Variants in DSTN observed in about 807,000 individuals in gnomAD.
The protein encoded by DSTN is destrin.
DSTN carries 10 observed loss-of-function variants against 16.8 expected under a neutral mutation model. That is an observed-to-expected ratio of 0.60 (90% confidence interval 0.37 to 1.01). DSTN has a LOEUF of 1.01. Ranked by LOEUF, DSTN falls within the 50% of genes least tolerant of loss-of-function variation. The pLI is 0.01. For missense variants in DSTN, 141 were observed against 196.7 expected (o/e 0.72, Z 1.69); for synonymous variants, 57 against 58.9 (o/e 0.97, Z 0.14).
chr20:17,587,176 T>A, intron 1 of DSTN, among the ~76,000 whole-genome samples: 2 of 147,060 alleles, frequency 1.4e-5, no homozygotes, highest in Non-Finnish European at 1.5e-5. Context: ...TCTTCCCCAA[T>A]AACTAGGCTT....
rs199515803 is a variant in DSTN, at chr20:17,570,216, G to A, written c.3+5G>A. 3 of 1,512,978 alleles carry A rather than the reference G, an allele frequency of 2.0e-6. No individual in the cohort carries two copies. Among genetic ancestry groups the A allele is most frequent in the East Asian group, 5.3e-5 (2 of 37,538 alleles). The allele number at this position is 1,512,978 out of a possible 1,614,324, so 93.7% of individuals were successfully genotyped here. A position where few individuals can be genotyped will look rare whatever the true frequency, so the allele number is the denominator to read the frequency against. The stretch of plus-strand genomic sequence containing the variant: ...GCGACCGCCGCGGCGAAGATGGTGA[G>A]TAGGAGGGAGGCCGAGGCGTGGGCC... On this transcript the variant is annotated splice_donor_5th_base_variant and intron_variant, in intron 1 of 3. Transcript: ENST00000246069.
At position 17,604,611 on chromosome 20, in the gene DSTN, C is replaced by G. The variant is rs192125476; in HGVS notation, c.368C>G (p.Ala123Gly). Residue 123 changes from alanine to glycine, a missense_variant, in exon 3 of 4, where the codon GCA becomes GGA. By Grantham distance (60) the Ala-to-Gly change is moderately conservative. Coordinates refer to ENST00000246069, the MANE Select transcript of DSTN (RefSeq NM_006870.4). ...SKMIYASSKD[A>G]IKKKFQGIKH... is the part of the protein sequence containing the mutation. ...ATGATCTATGCAAGCTCCAAGGATGCAATTAAAAAGAAATTTCAAGGTATG... is the reference window on the plus strand; with the variant it reads ...ATGATCTATGCAAGCTCCAAGGATGGAATTAAAAAGAAATTTCAAGGTATG... 1.9e-6 allele frequency: 3 copies of G among 1,613,064 alleles called. No individual in the cohort carries two copies. The highest frequency in any genetic ancestry group is 2.2e-5 in the East Asian group (1 of 44,848).
chr20:17,581,122 C>A (rs75731428), intron 1 of DSTN, among the ~76,000 whole-genome samples: 3,565 of 152,040 alleles, frequency 0.023, 112 homozygotes, highest in African/African-American at 0.068. Flanking sequence ...TGTAGTGGAG[C>A]GAGATATGAT....
chr20:17,589,218 A>C (rs1320392382), intron 1 of DSTN, among the ~76,000 whole-genome samples: 1 of 145,542 alleles, frequency 6.9e-6, no homozygotes, highest in Non-Finnish European at 1.5e-5. Flanking sequence ...CCCTCCCCCT[A>C]CTTTTTTTTT....
chr20:17,607,202 ATAAATAAAGCAAATATAT>A lies in DSTN; in HGVS notation c.*58_*75del, dbSNP rs2035652087. On this transcript the variant is annotated 3_prime_UTR_variant, in exon 4 of 4. Coordinates refer to ENST00000246069, the MANE Select transcript of DSTN (RefSeq NM_006870.4). ...ATGTTTAATGTTATCCTCTTGCTAT[ATAAATAAAGCAAATATAT>A]TTAGGCCAGGGTCTCACTGAGGGGG... 3 of 1,535,658 alleles carry A rather than the reference ATAAATAAAGCAAATATAT, an allele frequency of 2.0e-6. No individual in the cohort carries two copies. Among genetic ancestry groups the A allele is most frequent in the Non-Finnish European group, 2.7e-6 (3 of 1,121,104 alleles).
chr20:17,575,581 C>G (rs75098066), intron 1 of DSTN, among the ~76,000 whole-genome samples: 4,607 of 152,108 alleles, frequency 0.03, 206 homozygotes, highest in African/African-American at 0.1. Flanking sequence ...TCTACCTCAG[C>G]CTCCTGAGTA....
chr20:17,582,710 G>A (rs1039524213), intron 1 of DSTN, among the ~76,000 whole-genome samples: 5 of 152,126 alleles, frequency 3.3e-5, no homozygotes, highest in Non-Finnish European at 7.3e-5. Context: ...ACTTAAAATG[G>A]ATCATAAATC....
chr20:17,570,094 C>G lies in DSTN; in HGVS notation c.-115C>G. ...GCGCCCGCCCCGGGGTAAGCTCGCG[C>G]CGCCGCGTCAGCTCAGCGCTGGGTC... On this transcript the variant is annotated 5_prime_UTR_variant, in exon 1 of 4. Transcript: ENST00000246069. 6.9e-7 allele frequency: 1 copy of G among 1,456,194 alleles called. No homozygotes were observed. The highest frequency in any genetic ancestry group is 2.9e-5 in the East Asian group (1 of 34,022). 90.2% of individuals were successfully genotyped at this position (1,456,194 alleles called of 1,614,324 possible).
intron 1 of DSTN, among the ~76,000 whole-genome samples, chr20:17,587,252 C>A (rs1408425884): frequency 2.0e-5 from 3 of 149,966 alleles, no homozygotes; most frequent in African/African-American, 7.4e-5. Context: ...GAATTAAGGT[C>A]TTTGCTTAAA....
chr20:17,601,374 A>C (rs1053625850), intron 2 of DSTN, among the ~76,000 whole-genome samples: 8 of 150,826 alleles, frequency 5.3e-5, no homozygotes, highest in African/African-American at 2.0e-4. Flanking sequence ...CCAAAACCCT[A>C]CTTTTCCAAC....
chr20:17,570,451 C>T (rs552159900), intron 1 of DSTN, among the ~76,000 whole-genome samples: 1 of 152,316 alleles, frequency 6.6e-6, no homozygotes, highest in Non-Finnish European at 1.5e-5. Context: ...CCAGCTGGGG[C>T]GAGGCCGCCG....
At position 17,608,636 on chromosome 20, in the gene DSTN, C is replaced by T. The variant is rs961732918; in HGVS notation, c.*1490C>T. 6.9e-6 allele frequency: 1 copy of T among 145,576 alleles called. No individual in the cohort carries two copies. 9.0% of individuals were successfully genotyped at this position (145,576 alleles called of 1,614,324 possible). A position where few individuals can be genotyped will look rare whatever the true frequency, so the allele number is the denominator to read the frequency against. ...TTGTCTCAAAAAAAAAAAAAAAAGT[C>T]ACAACTCCCTCTGGTGAATAAGAAA... On this transcript the variant is annotated 3_prime_UTR_variant, in exon 4 of 4. Transcript: ENST00000246069.
chr20:17,584,889 A>G (rs1318630256), intron 1 of DSTN, among the ~76,000 whole-genome samples: 2 of 152,192 alleles, frequency 1.3e-5, no homozygotes, highest in South Asian at 2.1e-4. Context: ...TGGCATAAAC[A>G]TGATTTTAAC....
At chr20:17,606,930 C>A in intron 3 of DSTN, 107 bp from the exon 4 acceptor site, 1 of 962,386 alleles carries the variant, frequency 1.0e-6, no homozygotes, top group Non-Finnish European at 1.6e-6. Context: ...TTGTATATAC[C>A]CCAGTTTATC....
rs71192397 is a variant in DSTN, at chr20:17,583,735, CTTT to C, written c.3+13545_3+13547del. ...ATGACTGCTAATGGGTTTGGAGTTT[CTTT>C]TTTTTTTTTTTTTTTTTTTTGAGAC... is the stretch of plus-strand genomic sequence containing the variant. On this transcript the variant is annotated intron_variant, in intron 1 of 3. Coordinates refer to ENST00000246069, the MANE Select transcript of DSTN (RefSeq NM_006870.4). Among the ~76,000 whole-genome samples, 576 of 72,468 alleles carry C rather than the reference CTTT, an allele frequency of 7.9e-3. 4 individuals are homozygous for C. Among genetic ancestry groups the C allele is most frequent in the African/African-American group, 0.026 (485 of 18,372 alleles). The allele number at this position is 72,468 out of a possible 152,430, so 47.5% of individuals were successfully genotyped here.
intron 1 of DSTN, among the ~76,000 whole-genome samples, chr20:17,579,378 C>T (rs1437736282): frequency 3.9e-5 from 6 of 151,966 alleles, no homozygotes; most frequent in Non-Finnish European, 7.4e-5. Context: ...AGTTCGAGAC[C>T]GGCCTGAGCA....
chr20:17,601,257 C>G (rs2035583951), intron 2 of DSTN, among the ~76,000 whole-genome samples: 1 of 142,006 alleles, frequency 7.0e-6, no homozygotes. Context: ...ATGTGACTCT[C>G]CGTTTTTGTT....
At chr20:17,581,598 G>A (rs912613087) in intron 1 of DSTN, among the ~76,000 whole-genome samples, 1 of 152,118 alleles carries the variant, frequency 6.6e-6, no homozygotes, top group Non-Finnish European at 1.5e-5. Flanking sequence ...TATATTTTGG[G>A]GGTAGAGCTG....
intron 1 of DSTN, among the ~76,000 whole-genome samples, chr20:17,594,344 G>C (rs1458947561): frequency 6.6e-6 from 1 of 152,048 alleles, no homozygotes; most frequent in Non-Finnish European, 1.5e-5. Context: ...GGGTTGGGCA[G>C]CCTTCTCCTA....
Sources: gnomAD v4.1 joint callset for allele counts (sites outside exome capture counted in the v4.1 genomes callset) on GRCh38, gnomAD v4.1.1 for gene constraint, MANE v1.5 for transcripts, NCBI Gene and HGNC (gene_info 2026-07-23, HGNC 2026-07-21) for gene names.